The following CDK6 variants were observed in gnomAD, a reference collection of about 807,000 sequenced individuals.
CDK6 encodes the protein cyclin-dependent kinase 6.
A neutral mutation model predicts 37.1 loss-of-function variants in CDK6; 6 were observed. The observed-to-expected ratio is 0.16, with a 90% CI of 0.09 to 0.32. CDK6 has a LOEUF of 0.32. CDK6 is among the 10% of genes least tolerant of loss of function. The pLI, the probability that CDK6 is intolerant of heterozygous loss-of-function variation, is 1.00. For synonymous variants in CDK6, 160 were observed against 161.3 expected (o/e 0.99, Z 0.06); for missense variants, 224 against 418.9 (o/e 0.53, Z 4.06).
At chr7:92,725,860 A>G (rs2116711235) in intron 3 of CDK6, 67 bp from the exon 4 acceptor site, 1 of 1,441,558 alleles carries the variant, frequency 6.9e-7, no homozygotes, top group South Asian at 1.2e-5. Flanking sequence ...GCTATGCTGG[A>G]CGCCGAATCC....
At chr7:92,620,862 C>T (rs1047847581) in intron 6 of CDK6, among the ~76,000 whole-genome samples, 3 of 152,100 alleles carry the variant, frequency 2.0e-5, no homozygotes, top group African/African-American at 2.4e-5. Context: ...GAGCCAAGAT[C>T]GCACCACTGT....
At chr7:92,820,060 G>A (rs561297773) in intron 2 of CDK6, among the ~76,000 whole-genome samples, 8 of 152,098 alleles carry the variant, frequency 5.3e-5, no homozygotes, top group Admixed American at 5.2e-4. Context: ...ATGGTGGCGG[G>A]AAACCCACCA....
chr7:92,736,963 C>T (rs564569695), intron 3 of CDK6, among the ~76,000 whole-genome samples: 251 of 152,252 alleles, frequency 1.6e-3, no homozygotes, highest in Non-Finnish European at 2.8e-3. Context: ...TGGAGAGCTC[C>T]GCTACATTTC....
At chr7:92,777,300 T>C (rs759582641) in intron 2 of CDK6, among the ~76,000 whole-genome samples, 3 of 152,192 alleles carry the variant, frequency 2.0e-5, no homozygotes, top group Non-Finnish European at 2.9e-5. Context: ...ATGGCACATC[T>C]TGGCTCACCA....
In CDK6 at chr7:92,694,582, G is replaced by T. The variant is rs1274743207; in HGVS notation, c.538-23047C>A. On this transcript the variant is annotated intron_variant, in intron 4 of 7. Coordinates refer to ENST00000424848, the MANE Select transcript of CDK6 (RefSeq NM_001145306.2). ...CCTTTAAGAGTTATTTAGCCTGAGT[G>T]GCAAAAGGCAAAGCCACATATCACT... 2.0e-5 allele frequency among the ~76,000 whole-genome samples: 3 copies of T among 152,314 alleles called. No individual in the cohort carries two copies. In the East Asian group the frequency reaches 5.8e-4, roughly 29 times the overall value.
chr7:92,717,171 C>G (rs770616698), intron 4 of CDK6, among the ~76,000 whole-genome samples: 1 of 151,604 alleles, frequency 6.6e-6, no homozygotes, highest in Admixed American at 6.6e-5. Flanking sequence ...ATGAGACCCC[C>G]ATCTCTTAAA....
chr7:92,809,678 C>A (rs1336029140), intron 2 of CDK6, among the ~76,000 whole-genome samples: 1 of 152,100 alleles, frequency 6.6e-6, no homozygotes, highest in East Asian at 1.9e-4. Flanking sequence ...AGATTGTGAC[C>A]ATCTTAAGAA....
chr7:92,757,896 T>C (rs142227353), intron 3 of CDK6, among the ~76,000 whole-genome samples: 251 of 152,368 alleles, frequency 1.6e-3, no homozygotes, highest in African/African-American at 5.6e-3. Context: ...TGCATTTCTC[T>C]AATGATCAGT....
intron 3 of CDK6, among the ~76,000 whole-genome samples, chr7:92,738,639 C>T (rs999800500): frequency 2.3e-5 from 3 of 129,688 alleles, no homozygotes; most frequent in African/African-American, 6.7e-5. Flanking sequence ...ACTCCATCTC[C>T]GAAAAAAAAA....
intron 3 of CDK6, among the ~76,000 whole-genome samples, chr7:92,773,009 T>C (rs1391768279): frequency 6.6e-6 from 1 of 152,220 alleles, no homozygotes; most frequent in Non-Finnish European, 1.5e-5. Flanking sequence ...AAAATGTCAA[T>C]GATTTTTTGA....
chr7:92,797,784 G>C, intron 2 of CDK6, among the ~76,000 whole-genome samples: 1 of 152,220 alleles, frequency 6.6e-6, no homozygotes, highest in Non-Finnish European at 1.5e-5. Context: ...TGTTAGTTTG[G>C]TTTATACTGA....
intron 4 of CDK6, among the ~76,000 whole-genome samples, chr7:92,722,659 T>C (rs1470494037): frequency 1.3e-5 from 2 of 152,146 alleles, no homozygotes; most frequent in East Asian, 3.8e-4. Context: ...TTGACACACA[T>C]CAAATGAGAC....
chr7:92,731,780 C>T (rs3802077), intron 3 of CDK6, among the ~76,000 whole-genome samples: 2 of 152,048 alleles, frequency 1.3e-5, no homozygotes, highest in East Asian at 1.9e-4. Flanking sequence ...TAAGTCATTT[C>T]CACCAAGCCT....
At chr7:92,734,777 G>A (rs573470213) in intron 3 of CDK6, among the ~76,000 whole-genome samples, 1 of 152,258 alleles carries the variant, frequency 6.6e-6, no homozygotes, top group South Asian at 2.1e-4. Flanking sequence ...ATCAGTATTC[G>A]TACCTTTTAG....
At chr7:92,785,228 T>C (rs1036655827) in intron 2 of CDK6, among the ~76,000 whole-genome samples, 8 of 152,182 alleles carry the variant, frequency 5.3e-5, no homozygotes, top group Non-Finnish European at 8.8e-5. Context: ...AACAAATACA[T>C]GCTATGACAT....
At chr7:92,695,940 T>G (rs1585406503) in intron 4 of CDK6, among the ~76,000 whole-genome samples, 1 of 152,234 alleles carries the variant, frequency 6.6e-6, no homozygotes, top group East Asian at 1.9e-4. Context: ...CACATCGGTT[T>G]CTGATTTCAG....
In CDK6 at chr7:92,614,772, G is replaced by A. The variant is rs1787357183; in HGVS notation, c.*368C>T. On this transcript the variant is annotated 3_prime_UTR_variant, in exon 8 of 8. Transcript: ENST00000424848. ...AAGTACCAAATCAGGCCCGGCAGCT[G>A]CAGAGAGATTACATCATAACTCAGC... 1.3e-5 allele frequency: 4 copies of A among 307,302 alleles called. No individual in the cohort carries two copies. Among genetic ancestry groups the A allele is most frequent in the Middle Eastern group, 9.1e-4 (1 of 1,102 alleles). 19.0% of individuals were successfully genotyped at this position (307,302 alleles called of 1,614,324 possible). A position where few individuals can be genotyped will look rare whatever the true frequency, so the allele number is the denominator to read the frequency against.
chr7:92,668,081 C>T (rs1796998036), intron 5 of CDK6, among the ~76,000 whole-genome samples: 1 of 152,144 alleles, frequency 6.6e-6, no homozygotes, highest in Non-Finnish European at 1.5e-5. Flanking sequence ...GATAAGCATT[C>T]TATATAGGTA....
chr7:92,675,269 T>A (rs1797178206), intron 4 of CDK6, among the ~76,000 whole-genome samples: 1 of 152,230 alleles, frequency 6.6e-6, no homozygotes, highest in African/African-American at 2.4e-5. Context: ...ATAACAATAT[T>A]GATATGTTAG....
Sources: gnomAD v4.1 joint callset for allele counts (sites outside exome capture counted in the v4.1 genomes callset) on GRCh38, gnomAD v4.1.1 for gene constraint, MANE v1.5 for transcripts, NCBI Gene and HGNC (gene_info 2026-07-23, HGNC 2026-07-21) for gene names.